The following AXIN2 variants were observed in gnomAD, a reference collection of about 807,000 sequenced individuals.
AXIN2 encodes the protein axin 2, also known as axin-2.
A neutral mutation model predicts 74.7 loss-of-function variants in AXIN2; 21 were observed. The ratio of observed to expected loss-of-function variants is 0.28; its 90% CI spans 0.20 to 0.40. The LOEUF (loss-of-function observed/expected upper bound fraction) is 0.40, where lower values mean the gene tolerates loss of function less well. AXIN2 is among the 10% of genes least tolerant of loss of function. The pLI is 1.00. For missense variants in AXIN2, 1,144 were observed against 1,111.1 expected (o/e 1.03, Z -0.42); for synonymous variants, 532 against 454.9 (o/e 1.17, Z -2.16).
chr17:65,561,272 AG>A (rs2044369746), intron 1 of AXIN2, 177 bp downstream of exon 1: 1 of 122,512 alleles, frequency 8.2e-6, no homozygotes, highest in African/African-American at 3.0e-5. Flanking sequence ...CGCCCCCCGC[AG>A]CCCCGCCACC....
intron 4 of AXIN2, among the ~76,000 whole-genome samples, chr17:65,538,863 A>G (rs1407143512): frequency 6.6e-6 from 1 of 152,018 alleles, no homozygotes; most frequent in Non-Finnish European, 1.5e-5. Flanking sequence ...GGATCAGAGA[A>G]GAAGTGGTAA....
intron 3 of AXIN2, 50 bp from the exon 4 acceptor site, chr17:65,541,607 GCACAT>G (rs757341427): frequency 3.4e-6 from 5 of 1,469,906 alleles, no homozygotes; most frequent in Non-Finnish European, 4.8e-6. Flanking sequence ...GATGTTTTCA[GCACAT>G]CACATGGGCT....
chr17:65,549,435 C>A, intron 3 of AXIN2, 85 bp downstream of exon 3: 1 of 1,569,782 alleles, frequency 6.4e-7, no homozygotes, highest in Non-Finnish European at 8.7e-7. Context: ...GCAAAGCCAG[C>A]TGAGGATGAC....
intron 10 of AXIN2, among the ~76,000 whole-genome samples, chr17:65,532,815 C>CCTGG (rs1360379419): frequency 6.6e-6 from 1 of 152,236 alleles, no homozygotes; most frequent in Non-Finnish European, 1.5e-5. Context: ...AGACTGTGGT[C>CCTGG]CTGGCACAGG....
rs1245399352 is a variant in AXIN2, at chr17:65,561,071, T to G, written c.-117+379A>C. On this transcript the variant is annotated intron_variant, in intron 1 of 10. Transcript: ENST00000307078. Reference sequence around the variant, plus strand: ...CCCGCCGCCCCTTTTATGCAAAAGATCCGAGCGGGCCTCCGCCCCCGCCCG... The same window carrying G: ...CCCGCCGCCCCTTTTATGCAAAAGAGCCGAGCGGGCCTCCGCCCCCGCCCG... The G allele has an allele frequency of 3.4e-5, 5 of 147,976 alleles. No homozygotes were observed. In the East Asian group the frequency reaches 1.0e-3, roughly 30 times the overall value. 9.2% of individuals were successfully genotyped at this position (147,976 alleles called of 1,614,324 possible).
In AXIN2 at chr17:65,541,544, G is replaced by A. The variant is rs2144500905; in HGVS notation, c.970C>T (p.Pro324Ser). The A allele has an allele frequency of 6.2e-7, 1 of 1,614,050 alleles. No homozygotes were observed. The highest frequency in any genetic ancestry group is 8.5e-7 in the Non-Finnish European group (1 of 1,179,888). The change falls in exon 4 of 11, where the codon CCT (proline) becomes TCT (serine). Residue 324 changes from proline (P) to serine (S), a missense_variant. Around this residue, in one of 4 missense-constraint regions of AXIN2, gnomAD observed 1,053 missense variants for 973.5 expected, o/e 1.08. Transcript: ENST00000307078. Reference sequence around the variant, plus strand: ...TGTTTCTTACTGCCCACACGATAAGGAGGAATTCCATCTCTAAGGGAAAGG... The same window carrying A: ...TGTTTCTTACTGCCCACACGATAAGAAGGAATTCCATCTCTAAGGGAAAGG... The part of the protein sequence containing the change: ...MTDSSVDGIP[P>S]YRVGSKKQLQ...
intron 5 of AXIN2, 40 bp downstream of exon 5, chr17:65,538,163 G>GC: frequency 6.2e-7 from 1 of 1,613,730 alleles, no homozygotes; most frequent in Non-Finnish European, 8.5e-7. Context: ...GAGCGCTCAC[G>GC]CCGTGGACGG....
chr17:65,535,983 C>T (rs1455501364), intron 8 of AXIN2, among the ~76,000 whole-genome samples: 1 of 152,158 alleles, frequency 6.6e-6, no homozygotes, highest in Non-Finnish European at 1.5e-5. Flanking sequence ...CTTGATCCTC[C>T]ATCTCACAGC....
In AXIN2 at chr17:65,549,641, G is replaced by C. The variant is rs2144539895; in HGVS notation, c.835C>G (p.Pro279Ala). The change falls in exon 3 of 11, where the codon CCT (proline) becomes GCT (alanine). Residue 279 changes from proline (P) to alanine (A), a missense_variant. Coordinates refer to ENST00000307078, the MANE Select transcript of AXIN2 (RefSeq NM_004655.4). ...GAACCTATGTGATAAGGATTAACAG[G>C]ATCGCTCCTCTTGAAGGACCTATGG... is the stretch of plus-strand genomic sequence containing the variant. ...SGYRSFKRSD[P>A]VNPYHIGSGY... is the part of the protein sequence containing the mutation. The C allele has an allele frequency of 6.2e-7, 1 of 1,602,350 alleles. No individual in the cohort carries two copies. Among genetic ancestry groups the C allele is most frequent in the Non-Finnish European group, 8.5e-7 (1 of 1,174,048 alleles).
At chr17:65,536,644 C>T (rs1010159516) in intron 7 of AXIN2, 91 bp from the exon 8 acceptor site, 54 of 1,478,480 alleles carry the variant, frequency 3.7e-5, no homozygotes, top group Non-Finnish European at 4.6e-5. Flanking sequence ...CTTGTCTATT[C>T]TGCTCAGAGA....
intron 1 of AXIN2, chr17:65,561,000 C>T (rs1419522646): frequency 6.7e-6 from 1 of 148,880 alleles, no homozygotes; most frequent in Non-Finnish European, 1.5e-5. Context: ...ACAACAATCC[C>T]GGGTTCAGAG....
chr17:65,539,677 G>C (rs1164044472), intron 4 of AXIN2, among the ~76,000 whole-genome samples: 1 of 152,256 alleles, frequency 6.6e-6, no homozygotes, highest in African/African-American at 2.4e-5. Flanking sequence ...TTTCAGAGAA[G>C]AGCTATAGTT....
chr17:65,536,383 G>A lies in AXIN2; in HGVS notation c.2078C>T (p.Thr693Met), dbSNP rs755519590. The A allele has an allele frequency of 5.0e-6, 8 of 1,613,786 alleles. No individual in the cohort carries two copies. Among genetic ancestry groups the A allele is most frequent in the Non-Finnish European group, 5.9e-6 (7 of 1,180,006 alleles). Residue 693 changes from threonine to methionine, a missense_variant, in exon 8 of 11, where the codon ACG becomes ATG. Thr to Met is a moderately conservative substitution (Grantham distance 81). Around this residue, in one of 4 missense-constraint regions of AXIN2, gnomAD observed 1,053 missense variants for 973.5 expected, o/e 1.08. Coordinates refer to ENST00000307078, the MANE Select transcript of AXIN2 (RefSeq NM_004655.4). Reference sequence around the variant, plus strand: ...ACAGGCCTCCTCCAGCTGAGCCAGCGTGTTGGGTGGGGTCAGGGGAGGCAT... The same window carrying A: ...ACAGGCCTCCTCCAGCTGAGCCAGCATGTTGGGTGGGGTCAGGGGAGGCAT... ...PAMPPLTPPN[T>M]LAQLEEACRR... is the part of the protein sequence containing the mutation.
At chr17:65,542,527 A>G (rs2044058581) in intron 3 of AXIN2, among the ~76,000 whole-genome samples, 1 of 152,236 alleles carries the variant, frequency 6.6e-6, no homozygotes, top group African/African-American at 2.4e-5. Flanking sequence ...GTCCTCATTG[A>G]GAAAGGGACC....
rs1060502135 is a variant in AXIN2, at chr17:65,534,041, A to T, written c.2276T>A (p.Leu759His). The T allele has an allele frequency of 6.2e-7, 1 of 1,614,242 alleles. No individual in the cohort carries two copies. The highest frequency in any genetic ancestry group is 1.3e-5 in the African/African-American group (1 of 75,066). ...EPKKLAGVHA[L>H]QASELVVTYF... ...AGTGACAACCAACTCACTGGCCTGG[A>T]GCGCGTGGACACCTGCCAGTTTCTT... Residue 759 changes from leucine (L) to histidine (H), a missense_variant, in exon 10 of 11, where the codon CTC becomes CAC. Physicochemically the swap from Leu to His is moderately conservative, Grantham distance 99. This residue lies in a region of AXIN2 where 1,053 missense variants were observed against 973.5 expected (regional missense o/e 1.08). Coordinates refer to ENST00000307078, the MANE Select transcript of AXIN2 (RefSeq NM_004655.4).
rs753036084 is a variant in AXIN2 at position 65,558,146 on chromosome 17, C to A, written c.475G>T (p.Asp159Tyr). 8.7e-5 allele frequency: 141 copies of A among 1,614,058 alleles called. No individual in the cohort carries two copies. Among genetic ancestry groups the A allele is most frequent in the Admixed American group, 3.0e-4 (18 of 59,998 alleles). The change falls in exon 2 of 11, where the codon GAT becomes TAT. Residue 159 changes from aspartate to tyrosine, a missense_variant. By Grantham distance (160) the Asp-to-Tyr change is radical. Coordinates refer to ENST00000307078, the MANE Select transcript of AXIN2 (RefSeq NM_004655.4). ...TCAATCTGCTGCTTCTTGATGCCAT[C>A]TCTTATGTAGGTCTTGGTGGCAGGC... Reference protein sequence around the residue: ...LKPATKTYIRDGIKKQQIDSI... With the variant: ...LKPATKTYIRYGIKKQQIDSI...
At chr17:65,556,609 C>T (rs556855879) in intron 2 of AXIN2, among the ~76,000 whole-genome samples, 1 of 152,158 alleles carries the variant, frequency 6.6e-6, no homozygotes, top group Non-Finnish European at 1.5e-5. Context: ...TTCCTCTCCT[C>T]GCCAACAGTC....
chr17:65,531,989 G>A (rs1156564335), intron 10 of AXIN2, among the ~76,000 whole-genome samples: 2 of 152,102 alleles, frequency 1.3e-5, no homozygotes, highest in Non-Finnish European at 2.9e-5. Flanking sequence ...CACCAGCCCT[G>A]CTGGGAGGGT....
chr17:65,534,192 C>T, intron 9 of AXIN2, 113 bp from the exon 10 acceptor site: 2 of 1,360,876 alleles, frequency 1.5e-6, no homozygotes, highest in Non-Finnish European at 2.1e-6. Flanking sequence ...AACACTAGGG[C>T]TGCAATTGTA....
Sources: gnomAD v4.1 joint callset for allele counts (sites outside exome capture counted in the v4.1 genomes callset) on GRCh38, gnomAD v4.1.1 for gene constraint, gnomAD v4.1.1 regional missense constraint, MANE v1.5 for transcripts, NCBI Gene and HGNC (gene_info 2026-07-23, HGNC 2026-07-21) for gene names.